The following MRPS15 variants were observed in gnomAD, a reference collection of about 807,000 sequenced individuals.
MRPS15 encodes the protein small ribosomal subunit protein uS15m.
In MRPS15, 25 loss-of-function variants were observed where a neutral mutation model predicts 30.7. The ratio of observed to expected loss-of-function variants is 0.81; its 90% CI spans 0.59 to 1.14. MRPS15 has a LOEUF of 1.14. MRPS15 is among the 50% of genes most tolerant of loss of function. MRPS15 has a pLI of 0.00. For missense variants in MRPS15, 313 were observed against 321.7 expected, an observed-to-expected ratio of 0.97 and a Z score of 0.21; for synonymous variants, 124 against 120.1, an observed-to-expected ratio of 1.03 and a Z score of -0.21.
intron 4 of MRPS15, 118 bp downstream of exon 4, chr1:36,461,146 T>G: frequency 2.1e-6 from 2 of 974,012 alleles, no homozygotes; most frequent in Non-Finnish European, 3.3e-6. Flanking sequence ...GGAGGCAGAA[T>G]GACAGTGGGC....
At position 36,455,935 on chromosome 1, in the gene MRPS15, A is replaced by T. The variant is rs1649985619; in HGVS notation, c.637-10T>A. 6.2e-7 allele frequency: 1 copy of T among 1,611,630 alleles called. No individual in the cohort carries two copies. Among genetic ancestry groups the T allele is most frequent in the Non-Finnish European group, 8.5e-7 (1 of 1,179,522 alleles). On this transcript the variant is annotated splice_polypyrimidine_tract_variant and intron_variant, in intron 7 of 7. Coordinates refer to ENST00000373116, the MANE Select transcript of MRPS15 (RefSeq NM_031280.4). ...GAGTCTCCTGGAAAACCTGGGGATG[A>T]AAAGGGGCAGAAAAAGACCTTGTAA...
rs1223965409 is a variant in MRPS15 at position 36,455,724 on chromosome 1, C to G, written c.*64G>C. Reference sequence around the variant, plus strand: ...GAATAAATTCCTTCTCCTCTTCAGGCCAAAAAGAGCCCCATCATCTCTCCT... The same window carrying G: ...GAATAAATTCCTTCTCCTCTTCAGGGCAAAAAGAGCCCCATCATCTCTCCT... On this transcript the variant is annotated 3_prime_UTR_variant, in exon 8 of 8. Coordinates refer to ENST00000373116, the MANE Select transcript of MRPS15 (RefSeq NM_031280.4). 1 of 1,577,022 alleles carries G rather than the reference C, an allele frequency of 6.3e-7. No individual in the cohort carries two copies. Among genetic ancestry groups the G allele is most frequent in the Non-Finnish European group, 8.6e-7 (1 of 1,162,276 alleles).
intron 4 of MRPS15, 127 bp from the exon 5 acceptor site, chr1:36,460,903 C>A (rs1650084655): frequency 3.9e-6 from 3 of 766,954 alleles, no homozygotes; most frequent in Non-Finnish European, 6.5e-6. Context: ...CCTGACTTCA[C>A]TCTGCTCACT....
intron 5 of MRPS15, 150 bp downstream of exon 5, chr1:36,460,542 G>A: frequency 1.6e-6 from 1 of 633,162 alleles, no homozygotes. Context: ...TCAGAGCTTG[G>A]GATACAGGGT....
Position 36,456,188 on chromosome 1 carries a change from C to T in MRPS15, c.635G>A (p.Arg212Gln), listed in dbSNP as rs752371810. 34 of 1,604,764 alleles carry T rather than the reference C, an allele frequency of 2.1e-5. No individual in the cohort carries two copies. Among genetic ancestry groups the T allele is most frequent in the African/African-American group, 9.4e-5 (7 of 74,594 alleles). ...CAAAGCCGCAATTCTGACTCGTACC[C>T]GAATGCACAGAGCCTTCTTGGTCAC... ...RFVTKKALCI[R>Q]VFQETQKLKK... The change falls in exon 7 of 8, where the codon CGG becomes CAG. Residue 212 changes from arginine to glutamine, a missense_variant and splice_region_variant. Physicochemically the swap from Arg to Gln is conservative, Grantham distance 43. Coordinates refer to ENST00000373116, the MANE Select transcript of MRPS15 (RefSeq NM_031280.4).
chr1:36,458,049 G>T lies in MRPS15; in HGVS notation c.386-68C>A. 1 of 1,370,014 alleles carries T rather than the reference G, an allele frequency of 7.3e-7. No individual in the cohort carries two copies. The highest frequency in any genetic ancestry group is 1.0e-6 in the Non-Finnish European group (1 of 957,664). 84.9% of individuals were successfully genotyped at this position (1,370,014 alleles called of 1,614,324 possible). On this transcript the variant is annotated intron_variant, in intron 5 of 7. Transcript: ENST00000373116. The surrounding 1 kb of genome is among the most constrained non-coding windows in gnomAD (Gnocchi z 4.5). ...AAGGAAGGGCCCAGGCCTGGTTTAC[G>T]TTTTAAGAACTCAAGGAATAACAAT...
intron 2 of MRPS15, among the ~76,000 whole-genome samples, chr1:36,463,547 G>A (rs1650141309): frequency 6.6e-6 from 1 of 152,176 alleles, no homozygotes; most frequent in South Asian, 2.1e-4. Context: ...GGCCTGGGTG[G>A]TGCCAGCCAT....
chr1:36,461,195 T>C lies in MRPS15; in HGVS notation c.300+69A>G. 4 of 1,427,734 alleles carry C rather than the reference T, an allele frequency of 2.8e-6. No individual in the cohort carries two copies. In the East Asian group the frequency reaches 9.1e-5, roughly 33 times the overall value. 88.4% of individuals were successfully genotyped at this position (1,427,734 alleles called of 1,614,324 possible). On this transcript the variant is annotated intron_variant, in intron 4 of 7. Coordinates refer to ENST00000373116, the MANE Select transcript of MRPS15 (RefSeq NM_031280.4). Reference sequence around the variant, plus strand: ...TGGAGAAGCATGAGATGCGGGGTGCTAATCAGGGTAGAAGGGAGTCCCAGA... The same window carrying C: ...TGGAGAAGCATGAGATGCGGGGTGCCAATCAGGGTAGAAGGGAGTCCCAGA...
In MRPS15 at chr1:36,455,779, G is replaced by C; in HGVS notation, c.*9C>G. On this transcript the variant is annotated 3_prime_UTR_variant, in exon 8 of 8. Transcript: ENST00000373116. ...TTCTTCAAGACAGAAAGAAATGATT[G>C]AACAGAATTTATTGGCTGTCTTTGA... 2 of 1,613,054 alleles carry C rather than the reference G, an allele frequency of 1.2e-6. No individual in the cohort carries two copies. The highest frequency in any genetic ancestry group is 1.7e-6 in the Non-Finnish European group (2 of 1,179,782).
At chr1:36,461,196 A>C (rs1252381288) in intron 4 of MRPS15, 68 bp downstream of exon 4, 1 of 1,443,510 alleles carries the variant, frequency 6.9e-7, no homozygotes, top group Non-Finnish European at 9.8e-7. Flanking sequence ...GCGGGGTGCT[A>C]ATCAGGGTAG....
chr1:36,456,367 G>C lies in MRPS15; in HGVS notation c.456C>G (p.His152Gln). ...CAATGCTCATTAGCAGATAGCGTTT[G>C]TGGGCTTTGTCCTGCAAGAGATTCT... ...HLEKHRKDKAHKRYLLMSIDQ... is the reference protein window; with the variant it reads ...HLEKHRKDKAQKRYLLMSIDQ... The change falls in exon 7 of 8, where the codon CAC becomes CAG. Residue 152 changes from histidine (H) to glutamine (Q), a missense_variant. By Grantham distance (24) the His-to-Gln change is conservative (BLOSUM62 0). Transcript: ENST00000373116. 1 of 1,606,724 alleles carries C rather than the reference G, an allele frequency of 6.2e-7. No individual in the cohort carries two copies. Among genetic ancestry groups the C allele is most frequent in the Non-Finnish European group, 8.5e-7 (1 of 1,174,864 alleles).
Position 36,458,213 on chromosome 1 carries a change from TC to T in MRPS15, c.386-233del. 2.1e-6 allele frequency: 1 copy of T among 471,088 alleles called. No homozygotes were observed. The highest frequency in any genetic ancestry group is 3.8e-6 in the Non-Finnish European group (1 of 263,444). 29.2% of individuals were successfully genotyped at this position (471,088 alleles called of 1,614,324 possible). Reference sequence around the variant, plus strand: ...ATCCCTTAATATTATAAAGATATCATCCAAAAATCATAGCAAATAGCATTCT... The same window carrying T: ...ATCCCTTAATATTATAAAGATATCATCAAAAATCATAGCAAATAGCATTCT... On this transcript the variant is annotated intron_variant, in intron 5 of 7. Coordinates refer to ENST00000373116, the MANE Select transcript of MRPS15 (RefSeq NM_031280.4). This position sits in a 1 kb window ranked among gnomAD's most constrained non-coding sequence, Gnocchi z 4.5.
rs1391442299 is a variant in MRPS15 at position 36,458,020 on chromosome 1, G to A, written c.386-39C>T. 1.2e-5 allele frequency: 19 copies of A among 1,579,888 alleles called. No homozygotes were observed. Among genetic ancestry groups the A allele is most frequent in the Non-Finnish European group, 1.5e-5 (17 of 1,148,732 alleles). ...CCACAGAGGATGAGAGTTGGGCACA[G>A]AGGAAGGAAGGGCCCAGGCCTGGTT... On this transcript the variant is annotated intron_variant, in intron 5 of 7. Transcript: ENST00000373116. This position sits in a 1 kb window ranked among gnomAD's most constrained non-coding sequence, Gnocchi z 4.5.
At chr1:36,461,658 C>A (rs1000799319) in intron 3 of MRPS15, among the ~76,000 whole-genome samples, 1 of 152,226 alleles carries the variant, frequency 6.6e-6, no homozygotes, top group Non-Finnish European at 1.5e-5. Context: ...CACCACACTG[C>A]ATAGGAGCTG....
Position 36,458,186 on chromosome 1 carries a change from A to G in MRPS15, c.386-205T>C. On this transcript the variant is annotated intron_variant, in intron 5 of 7. Transcript: ENST00000373116. The surrounding 1 kb of genome is among the most constrained non-coding windows in gnomAD (Gnocchi z 4.5). ...TTAAAAAGCAAAATCCAAGGAAGGGACATCCCTTAATATTATAAAGATATC... is the reference window on the plus strand; with the variant it reads ...TTAAAAAGCAAAATCCAAGGAAGGGGCATCCCTTAATATTATAAAGATATC... The G allele has an allele frequency of 1.9e-6, 1 of 537,872 alleles. No individual in the cohort carries two copies. Among genetic ancestry groups the G allele is most frequent in the Non-Finnish European group, 3.4e-6 (1 of 297,210 alleles). The allele number at this position is 537,872 out of a possible 1,614,324, so 33.3% of individuals were successfully genotyped here. A position where few individuals can be genotyped will look rare whatever the true frequency, so the allele number is the denominator to read the frequency against.
intron 2 of MRPS15, among the ~76,000 whole-genome samples, chr1:36,462,731 T>C (rs911449572): frequency 6.6e-6 from 1 of 152,220 alleles, no homozygotes; most frequent in Non-Finnish European, 1.5e-5. Context: ...GACCCTGCTA[T>C]GCAAATAACA....
In MRPS15 at chr1:36,464,212, C is replaced by T. The variant is rs1369133459; in HGVS notation, c.64G>A (p.Val22Ile). ...CTCCCACCGCCCGGCAGCCCGGGTA[C>T]TAGGACCTGGGTAACTGCCCGGGTC... ...IRTRAVTQVL[V>I]PGLPGGGSAK... The change falls in exon 1 of 8, where the codon GTA becomes ATA. Residue 22 changes from valine to isoleucine, a missense_variant. Physicochemically the swap from Val to Ile is conservative, Grantham distance 29. Transcript: ENST00000373116. The T allele has an allele frequency of 1.2e-6, 2 of 1,613,990 alleles. No individual in the cohort carries two copies. The highest frequency in any genetic ancestry group is 1.7e-6 in the Non-Finnish European group (2 of 1,180,016).
In MRPS15 at chr1:36,455,782, C is replaced by T. The variant is rs1284969374; in HGVS notation, c.*6G>A. The T allele has an allele frequency of 1.2e-6, 2 of 1,612,984 alleles. No homozygotes were observed. Among genetic ancestry groups the T allele is most frequent in the Admixed American group, 1.7e-5 (1 of 59,634 alleles). On this transcript the variant is annotated 3_prime_UTR_variant, in exon 8 of 8. Coordinates refer to ENST00000373116, the MANE Select transcript of MRPS15 (RefSeq NM_031280.4). ...TTCAAGACAGAAAGAAATGATTGAA[C>T]AGAATTTATTGGCTGTCTTTGAGTG...
intron 6 of MRPS15, 63 bp from the exon 7 acceptor site, chr1:36,456,441 C>G (rs1335468795): frequency 1.5e-6 from 2 of 1,370,886 alleles, no homozygotes; most frequent in Non-Finnish European, 1.9e-6. Flanking sequence ...CAGTAACAAA[C>G]AATGGTCATT....
Sources: gnomAD v4.1 joint callset for allele counts (sites outside exome capture counted in the v4.1 genomes callset) on GRCh38, gnomAD v4.1.1 for gene constraint, Gnocchi (gnomAD v3.1) non-coding constraint, MANE v1.5 for transcripts, NCBI Gene and HGNC (gene_info 2026-07-23, HGNC 2026-07-21) for gene names.